CNTNAP3B: variants seen among roughly 807,000 people sequenced by gnomAD.
CNTNAP3B encodes the protein contactin associated protein family member 3B.
In CNTNAP3B, 25 loss-of-function variants were observed where a neutral mutation model predicts 108.9. The observed-to-expected ratio is 0.23, with a 90% CI of 0.17 to 0.32. The LOEUF is 0.32. Among genes scored for constraint, CNTNAP3B ranks in the 10% least tolerant of loss-of-function variants. The pLI is 1.00. For missense variants in CNTNAP3B, 252 were observed against 1,210.4 expected, an observed-to-expected ratio of 0.21 and a Z score of 11.75; for synonymous variants, 103 against 473.4, an observed-to-expected ratio of 0.22 and a Z score of 10.16.
In CNTNAP3B at chr9:42,095,810, G is replaced by A. The variant is rs1236810797; in HGVS notation, c.196+8819C>T. On this transcript the variant is annotated intron_variant, in intron 2 of 23. Transcript: ENST00000377561. Reference sequence around the variant, plus strand: ...CTTTTACTTCCCCTTCATCCCCAGAGTTAACTCTGGTCTCTTCTGGCTTTG... The same window carrying A: ...CTTTTACTTCCCCTTCATCCCCAGAATTAACTCTGGTCTCTTCTGGCTTTG... Among the ~76,000 whole-genome samples, 11 of 136,492 alleles carry A rather than the reference G, an allele frequency of 8.1e-5. 3 individuals are homozygous for A. The highest frequency in any genetic ancestry group is 4.4e-4 in the Admixed American group (6 of 13,734). The allele number at this position is 136,492 out of a possible 152,430, so 89.5% of individuals were successfully genotyped here. A position where few individuals can be genotyped will look rare whatever the true frequency, so the allele number is the denominator to read the frequency against.
At chr9:41,919,274 C>T (rs1001748191) in intron 18 of CNTNAP3B, among the ~76,000 whole-genome samples, 4 of 152,134 alleles carry the variant, frequency 2.6e-5, no homozygotes, top group African/African-American at 9.6e-5. Flanking sequence ...AGCTGGGATG[C>T]CCTGCTAATT....
intron 11 of CNTNAP3B, among the ~76,000 whole-genome samples, chr9:41,962,409 T>C (rs1276806622): frequency 1.3e-5 from 2 of 152,192 alleles, no homozygotes; most frequent in Non-Finnish European, 1.5e-5. Context: ...ATATTTTGAT[T>C]GCAGTGAATA....
intron 18 of CNTNAP3B, among the ~76,000 whole-genome samples, chr9:41,915,598 T>C (rs1241113094): frequency 7.2e-5 from 10 of 139,376 alleles, no homozygotes; most frequent in Non-Finnish European, 1.4e-4. Context: ...ATGATGTTAG[T>C]TGCAGGTTTT....
intron 4 of CNTNAP3B, among the ~76,000 whole-genome samples, chr9:41,999,358 C>A (rs369036099): frequency 6.7e-5 from 1 of 14,932 alleles, no homozygotes; most frequent in Admixed American, 9.7e-4. Context: ...GGGTGGGCCT[C>A]ATCCAATCAG....
intron 1 of CNTNAP3B, among the ~76,000 whole-genome samples, 195 bp downstream of exon 1, chr9:42,128,815 T>TA (rs1244958565): frequency 5.9e-5 from 6 of 101,040 alleles, no homozygotes; most frequent in African/African-American, 2.7e-4. Flanking sequence ...TGGTATATCT[T>TA]AGACTCCCCC....
intron 2 of CNTNAP3B, among the ~76,000 whole-genome samples, chr9:42,087,586 A>G (rs1827732228): frequency 6.9e-6 from 1 of 144,914 alleles, no homozygotes; most frequent in East Asian, 2.1e-4. Context: ...AATATGCTGA[A>G]ACTCATGTTG....
chr9:41,966,706 G>A (rs143316392), intron 10 of CNTNAP3B, among the ~76,000 whole-genome samples: 389 of 152,252 alleles, frequency 2.6e-3, no homozygotes, highest in Non-Finnish European at 4.1e-3. Context: ...GGTGGCTCAC[G>A]CCTGTAATCC....
intron 13 of CNTNAP3B, among the ~76,000 whole-genome samples, chr9:41,944,309 T>C (rs1315830152): frequency 6.8e-6 from 1 of 147,560 alleles, no homozygotes; most frequent in Non-Finnish European, 1.5e-5. Context: ...TCTTAATTGA[T>C]GTAATAGGTA....
intron 3 of CNTNAP3B, among the ~76,000 whole-genome samples, chr9:42,018,801 A>C (rs1310461938): frequency 6.6e-6 from 1 of 151,900 alleles, no homozygotes; most frequent in East Asian, 1.9e-4. Context: ...TTCTGTGACT[A>C]TGGGCAAGAT....
At chr9:42,079,408 CT>C (rs1827564859) in intron 2 of CNTNAP3B, among the ~76,000 whole-genome samples, 1 of 129,350 alleles carries the variant, frequency 7.7e-6, no homozygotes, top group Non-Finnish European at 1.6e-5. Context: ...GTGGGAGATC[CT>C]TTTGGGGTTG....
intron 2 of CNTNAP3B, among the ~76,000 whole-genome samples, chr9:42,090,577 G>GTA (rs1009991344): frequency 1.4e-4 from 18 of 132,390 alleles, no homozygotes; most frequent in Admixed American, 7.8e-4. Flanking sequence ...CTATATGTCA[G>GTA]TATACATACA....
intron 1 of CNTNAP3B, among the ~76,000 whole-genome samples, chr9:42,121,491 G>A (rs2118745974): frequency 7.2e-6 from 1 of 138,216 alleles, no homozygotes; most frequent in Non-Finnish European, 1.5e-5. Flanking sequence ...GCATAAAGAA[G>A]GAGGTAGAGG....
intron 2 of CNTNAP3B, among the ~76,000 whole-genome samples, chr9:42,099,025 C>T (rs1206080717): frequency 5.1e-5 from 7 of 137,660 alleles, no homozygotes; most frequent in Non-Finnish European, 1.1e-4. Context: ...TCTAGTTTCC[C>T]TGCTTTACTC....
intron 13 of CNTNAP3B, among the ~76,000 whole-genome samples, chr9:41,939,460 A>G (rs1199156817): frequency 6.6e-6 from 1 of 152,186 alleles, no homozygotes; most frequent in East Asian, 2.0e-4. Context: ...CTCTGCATTC[A>G]TTACCACCAC....
At chr9:41,922,941 A>T (rs1411808960) in intron 16 of CNTNAP3B, 46 bp from the exon 17 acceptor site, 2 of 1,348,340 alleles carry the variant, frequency 1.5e-6, no homozygotes, top group Non-Finnish European at 2.1e-6. Context: ...TTCACAGAAA[A>T]TTGAGTCTTG....
chr9:41,944,443 G>A (rs1360596253), intron 13 of CNTNAP3B, among the ~76,000 whole-genome samples: 11 of 152,128 alleles, frequency 7.2e-5, no homozygotes, highest in African/African-American at 2.4e-4. Flanking sequence ...TAAAGTACCA[G>A]CACCATTAAT....
At chr9:42,111,113 A>C (rs2118714385) in intron 1 of CNTNAP3B, among the ~76,000 whole-genome samples, 1 of 138,338 alleles carries the variant, frequency 7.2e-6, no homozygotes, top group South Asian at 2.3e-4. Context: ...CAGGCCTGGC[A>C]ACTGAATGTC....
intron 3 of CNTNAP3B, among the ~76,000 whole-genome samples, chr9:42,019,591 CAAAAAAA>C (rs569640352): frequency 2.0e-4 from 20 of 100,774 alleles, no homozygotes; most frequent in African/African-American, 6.8e-4. Context: ...ATCTCTACTT[CAAAAAAA>C]AAAAAAAAAA....
At chr9:42,035,579 T>C (rs1014690304) in intron 3 of CNTNAP3B, among the ~76,000 whole-genome samples, 13 of 148,166 alleles carry the variant, frequency 8.8e-5, no homozygotes, top group African/African-American at 2.5e-5. Flanking sequence ...AGTATATATT[T>C]CAGAGTGATG....
Sources: allele counts gnomAD v4.1 joint callset (sites outside exome capture counted in the v4.1 genomes callset), GRCh38; gene constraint gnomAD v4.1.1; transcripts MANE v1.5; gene names NCBI Gene and HGNC (gene_info 2026-07-23, HGNC 2026-07-21).